The following ACOX1 variants were observed in gnomAD, a reference collection of about 807,000 sequenced individuals.
The protein encoded by ACOX1 is peroxisomal acyl-coenzyme A oxidase 1.
ACOX1 carries 41 observed loss-of-function variants against 75.5 expected under a neutral mutation model. The observed-to-expected ratio is 0.54, with a 90% CI of 0.42 to 0.70. ACOX1 has a LOEUF of 0.70. ACOX1 is among the 30% of genes least tolerant of loss of function. ACOX1 has a pLI of 0.00. For synonymous variants in ACOX1, 303 were observed against 298.8 expected (o/e 1.01, Z -0.15); for missense variants, 630 against 837.5 (o/e 0.75, Z 3.06).
chr17:75,955,381 C>T (rs1396805024), intron 6 of ACOX1, among the ~76,000 whole-genome samples, 185 bp downstream of exon 6: 1 of 151,764 alleles, frequency 6.6e-6, no homozygotes, highest in Non-Finnish European at 1.5e-5. Context: ...CCAGACTGAT[C>T]TTGAGCTCCT....
chr17:75,960,120 A>G lies in ACOX1; in HGVS notation c.430+95T>C, dbSNP rs1368192046. On this transcript the variant is annotated intron_variant, in intron 3 of 13. Coordinates refer to ENST00000293217, the MANE Select transcript of ACOX1 (RefSeq NM_004035.7). The surrounding 1 kb of genome is among the most constrained non-coding windows in gnomAD (Gnocchi z 4.4). ...AGCTCATTTAAACAGACCATAGAAC[A>G]TCGACACACCATCGATGGCACATGG... 4 of 1,504,268 alleles carry G rather than the reference A, an allele frequency of 2.7e-6. No homozygotes were observed. The highest frequency in any genetic ancestry group is 2.3e-4 in the Middle Eastern group (1 of 4,408). 93.2% of individuals were successfully genotyped at this position (1,504,268 alleles called of 1,614,324 possible). A position where few individuals can be genotyped will look rare whatever the true frequency, so the allele number is the denominator to read the frequency against.
Position 75,949,707 on chromosome 17 carries a change from G to A in ACOX1, c.1478+11C>T. On this transcript the variant is annotated intron_variant, in intron 10 of 13. Coordinates refer to ENST00000293217, the MANE Select transcript of ACOX1 (RefSeq NM_004035.7). ...ACTGCTGCGTATTCTAGCTCTTGAGGGAGAGCTCACCTGGCTGCACGGAGT... is the reference window on the plus strand; with the variant it reads ...ACTGCTGCGTATTCTAGCTCTTGAGAGAGAGCTCACCTGGCTGCACGGAGT... 6.2e-7 allele frequency: 1 copy of A among 1,614,054 alleles called. No individual in the cohort carries two copies. The highest frequency in any genetic ancestry group is 1.3e-5 in the African/African-American group (1 of 75,042).
At chr17:75,955,408 C>T (rs780099883) in intron 6 of ACOX1, among the ~76,000 whole-genome samples, 158 bp downstream of exon 6, 7 of 152,126 alleles carry the variant, frequency 4.6e-5, no homozygotes, top group East Asian at 1.9e-4. Flanking sequence ...AAGTCATCCA[C>T]GCACTCAGCC....
chr17:75,945,116 A>G lies in ACOX1; in HGVS notation c.*1632T>C, dbSNP rs1303121809. On this transcript the variant is annotated 3_prime_UTR_variant, in exon 14 of 14. Coordinates refer to ENST00000293217, the MANE Select transcript of ACOX1 (RefSeq NM_004035.7). ...GGCTCTGCAGGTCGATGATCTCCTCAAACCTGCAAAGACATCCCATCTATG... is the reference window on the plus strand; with the variant it reads ...GGCTCTGCAGGTCGATGATCTCCTCGAACCTGCAAAGACATCCCATCTATG... 6.6e-6 allele frequency: 1 copy of G among 152,086 alleles called. No individual in the cohort carries two copies. The highest frequency in any genetic ancestry group is 2.4e-5 in the African/African-American group (1 of 41,408). The allele number at this position is 152,086 out of a possible 1,614,324, so 9.4% of individuals were successfully genotyped here.
At position 75,955,686 on chromosome 17, in the gene ACOX1, C is replaced by T. The variant is rs776653713; in HGVS notation, c.659-5G>A. Reference sequence around the variant, plus strand: ...CGATGTCACCAACGGTAATTCCTACCACAGATGAAAGGACAGTCACGAGAT... The same window carrying T: ...CGATGTCACCAACGGTAATTCCTACTACAGATGAAAGGACAGTCACGAGAT... On this transcript the variant is annotated splice_region_variant and splice_polypyrimidine_tract_variant and intron_variant, in intron 5 of 13. Transcript: ENST00000293217. 1.9e-6 allele frequency: 3 copies of T among 1,613,574 alleles called. No homozygotes were observed. The highest frequency in any genetic ancestry group is 1.3e-5 in the African/African-American group (1 of 75,038).
chr17:75,948,539 G>T, intron 12 of ACOX1, 82 bp from the exon 13 acceptor site: 1 of 1,212,742 alleles, frequency 8.2e-7, no homozygotes, highest in Non-Finnish European at 1.2e-6. Flanking sequence ...GCTATAAAGC[G>T]GATGACAATT....
At chr17:75,971,978 A>C (rs1228270492) in intron 2 of ACOX1, among the ~76,000 whole-genome samples, 1 of 152,102 alleles carries the variant, frequency 6.6e-6, no homozygotes, top group Non-Finnish European at 1.5e-5. Context: ...TACAACACAC[A>C]CACACACCAC....
chr17:75,952,120 C>T (rs1402056938), intron 7 of ACOX1, among the ~76,000 whole-genome samples: 2 of 152,138 alleles, frequency 1.3e-5, no homozygotes, highest in Non-Finnish European at 2.9e-5. Flanking sequence ...ACAAAACCAA[C>T]GCTAGTCAAC....
At chr17:75,972,036 A>G (rs1193076900) in intron 2 of ACOX1, among the ~76,000 whole-genome samples, 2 of 152,114 alleles carry the variant, frequency 1.3e-5, no homozygotes, top group African/African-American at 4.8e-5. Flanking sequence ...GGAGGACTAC[A>G]TAAAGAATCT....
At position 75,944,633 on chromosome 17, in the gene ACOX1, C is replaced by G. The variant is rs2065703193; in HGVS notation, c.*2115G>C. The stretch of plus-strand genomic sequence containing the variant: ...TAGTTGTGTGGCATATTTTTTCTCT[C>G]TTAATAGTACAAATCAGTGACGTTT... On this transcript the variant is annotated 3_prime_UTR_variant, in exon 14 of 14. Coordinates refer to ENST00000293217, the MANE Select transcript of ACOX1 (RefSeq NM_004035.7). 1 of 152,160 alleles carries G rather than the reference C, an allele frequency of 6.6e-6. No individual in the cohort carries two copies. 9.4% of individuals were successfully genotyped at this position (152,160 alleles called of 1,614,324 possible). A position where few individuals can be genotyped will look rare whatever the true frequency, so the allele number is the denominator to read the frequency against.
At chr17:75,949,150 G>A (rs559900813) in intron 12 of ACOX1, 67 bp downstream of exon 12, 33 of 1,589,392 alleles carry the variant, frequency 2.1e-5, no homozygotes, top group African/African-American at 4.0e-5. Context: ...ATGAGCCACC[G>A]TGCCCAGCCA....
intron 2 of ACOX1, among the ~76,000 whole-genome samples, chr17:75,962,088 G>A (rs907044708): frequency 6.6e-6 from 1 of 151,964 alleles, no homozygotes; most frequent in African/African-American, 2.4e-5. Flanking sequence ...ACATAGCTCT[G>A]ATCATTTCAT....
intron 2 of ACOX1, among the ~76,000 whole-genome samples, chr17:75,975,875 A>G (rs977658044): frequency 3.3e-5 from 5 of 149,728 alleles, no homozygotes; most frequent in African/African-American, 9.8e-5. Context: ...GAGAGAGAGA[A>G]AGAAAGAGAG....
intron 2 of ACOX1, among the ~76,000 whole-genome samples, chr17:75,962,357 C>T (rs547670449): frequency 3.3e-5 from 5 of 152,278 alleles, no homozygotes; most frequent in East Asian, 1.9e-4. Flanking sequence ...CCACTTAAAA[C>T]GTGCAGGGGA....
chr17:75,974,335 C>T lies in ACOX1; in HGVS notation c.269+4199G>A, dbSNP rs913535634. On this transcript the variant is annotated intron_variant, in intron 2 of 13. Transcript: ENST00000293217. ...CATATTCCAGGGCAGAATCATACAT[C>T]GCTAAAGGTCTTCAGGGTTTACAAT... 3.3e-5 allele frequency among the ~76,000 whole-genome samples: 5 copies of T among 152,090 alleles called. No homozygotes were observed. The South Asian group carries it at 8.3e-4, about 25-fold the overall frequency.
At chr17:75,963,541 A>G (rs911661748) in intron 2 of ACOX1, among the ~76,000 whole-genome samples, 3 of 151,898 alleles carry the variant, frequency 2.0e-5, no homozygotes, top group African/African-American at 7.3e-5. Flanking sequence ...TCTACTAAAA[A>G]TACAAAAATT....
chr17:75,958,690 C>T (rs1337776485), intron 3 of ACOX1, among the ~76,000 whole-genome samples: 2 of 151,814 alleles, frequency 1.3e-5, no homozygotes, highest in Admixed American at 6.6e-5. Flanking sequence ...TGCCTGTAGT[C>T]CCAGCTACTC....
Position 75,950,921 on chromosome 17 carries a change from G to C in ACOX1, c.1151C>G (p.Thr384Ser). The C allele has an allele frequency of 1.9e-6, 3 of 1,614,190 alleles. No individual in the cohort carries two copies. The highest frequency in any genetic ancestry group is 2.5e-6 in the Non-Finnish European group (3 of 1,180,034). The change falls in exon 9 of 14, where the codon ACT (threonine) becomes AGT (serine). Residue 384 changes from threonine (T) to serine (S), a missense_variant. By Grantham distance (58) the Thr-to-Ser change is moderately conservative. Coordinates refer to ENST00000293217, the MANE Select transcript of ACOX1 (RefSeq NM_004035.7). The surrounding 1 kb of genome is among the most constrained non-coding windows in gnomAD (Gnocchi z 4.3). ...ACATGCTTCAATGCCAGTGTTTGCA[G>C]TCCAGGAGGTGAAAGCCTTCAGTCC... Reference protein sequence around the residue: ...TAGLKAFTSWTANTGIEACRM... With the variant: ...TAGLKAFTSWSANTGIEACRM...
intron 13 of ACOX1, among the ~76,000 whole-genome samples, chr17:75,947,750 C>T (rs1261881672): frequency 6.7e-6 from 1 of 149,980 alleles, no homozygotes; most frequent in Admixed American, 6.7e-5. Context: ...GCTCTTGTCA[C>T]CCAGGCTGGA....
Sources: gnomAD v4.1 joint callset for allele counts (sites outside exome capture counted in the v4.1 genomes callset) on GRCh38, gnomAD v4.1.1 for gene constraint, Gnocchi (gnomAD v3.1) non-coding constraint, MANE v1.5 for transcripts, NCBI Gene and HGNC (gene_info 2026-07-23, HGNC 2026-07-21) for gene names.